SFI1: variants seen among roughly 807,000 people sequenced by gnomAD.
SFI1 encodes SFI1 centrin binding protein, also known as protein SFI1 homolog.
A neutral mutation model predicts 207.5 loss-of-function variants in SFI1; 195 were observed. That is an observed-to-expected ratio of 0.94 (90% CI 0.84 to 1.06). The LOEUF (loss-of-function observed/expected upper bound fraction) is 1.06, where lower values mean the gene tolerates loss of function less well. Ranked by LOEUF, SFI1 falls within the 50% of genes least tolerant of loss-of-function variation. The pLI is 0.00. For missense variants in SFI1, 1,634 were observed against 1,588.0 expected (o/e 1.03, Z -0.49); for synonymous variants, 630 against 598.9 (o/e 1.05, Z -0.76).
In SFI1 at chr22:31,498,821, T is replaced by C. The variant is rs557202756; in HGVS notation, c.-31+2184T>C. Among the ~76,000 whole-genome samples, 4 of 151,580 alleles carry C rather than the reference T, an allele frequency of 2.6e-5. No homozygotes were observed. In the East Asian group the frequency reaches 7.8e-4, roughly 29 times the overall value. On this transcript the variant is annotated intron_variant, in intron 1 of 32. Transcript: ENST00000400288. ...AATGTGACCAATTGCTGCAACCTCA[T>C]GATAAAACTTGGATGGATGAGGAGT...
Position 31,515,181 on chromosome 22 carries a change from A to T in SFI1, c.92+6805A>T. On this transcript the variant is annotated intron_variant, in intron 2 of 32. Coordinates refer to ENST00000400288, the MANE Select transcript of SFI1 (RefSeq NM_001007467.3). ...CCACCTCAGAATAGATTGTGGACCA[A>T]AGATTATGGGAATCTTCAATTTTGC... Among the ~76,000 whole-genome samples the T allele has an allele frequency of 2.0e-5, 3 of 152,046 alleles. 1 individual carries two copies. The highest frequency in any genetic ancestry group is 4.4e-5 in the Non-Finnish European group (3 of 68,036).
At position 31,617,025 on chromosome 22, in the gene SFI1, T is replaced by G. The variant is rs1603378474; in HGVS notation, c.3459T>G (p.Leu1153=). The change falls in exon 31 of 33, where the codon CTT becomes CTG. Residue 1153 remains leucine (L), a synonymous_variant. Transcript: ENST00000400288. Reference sequence around the variant, plus strand: ...GCAGCCTGGACCTTGAGGCTGAACTTGAGGAGATCCAGCAGCAACTACTGC... The same window carrying G: ...GCAGCCTGGACCTTGAGGCTGAACTGGAGGAGATCCAGCAGCAACTACTGC... ...TAGSLDLEAE[L]EEIQQQLLHY... 1.2e-6 allele frequency: 2 copies of G among 1,613,992 alleles called. No homozygotes were observed. The highest frequency in any genetic ancestry group is 8.5e-7 in the Non-Finnish European group (1 of 1,180,010).
At chr22:31,499,929 A>G (rs1423225877) in intron 1 of SFI1, among the ~76,000 whole-genome samples, 1 of 145,500 alleles carries the variant, frequency 6.9e-6, no homozygotes, top group Non-Finnish European at 1.5e-5. Context: ...CGGAGGTTGC[A>G]GTGAGCATTG....
At chr22:31,506,867 A>G (rs1361784298) in intron 1 of SFI1, among the ~76,000 whole-genome samples, 1 of 152,234 alleles carries the variant, frequency 6.6e-6, no homozygotes, top group Admixed American at 6.5e-5. Flanking sequence ...AGGTGACACA[A>G]ACAAATGGAA....
chr22:31,580,606 G>A (rs916875394), intron 12 of SFI1, among the ~76,000 whole-genome samples: 2 of 138,808 alleles, frequency 1.4e-5, no homozygotes, highest in South Asian at 2.3e-4. Flanking sequence ...ACAGTGGCAC[G>A]ATCTCAGCTC....
rs1166854281 is a variant in SFI1 at position 31,580,325 on chromosome 22, A to T, written c.1209A>T (p.Gln403His). The change falls in exon 12 of 33, where the codon CAA becomes CAT. Residue 403 changes from glutamine (Q) to histidine (H), a missense_variant. By Grantham distance (24) the Gln-to-His change is conservative (BLOSUM62 0). Coordinates refer to ENST00000400288, the MANE Select transcript of SFI1 (RefSeq NM_001007467.3). ...ATGTGACCCACGCTCATCTCCAGCA[A>T]ATAAGAAGGAATCTTGCTCACCAGC... ...KDNVTHAHLQ[Q>H]IRRNLAHQQH... 2 of 1,614,024 alleles carry T rather than the reference A, an allele frequency of 1.2e-6. No homozygotes were observed. The highest frequency in any genetic ancestry group is 1.7e-5 in the Admixed American group (1 of 60,000).
intron 2 of SFI1, among the ~76,000 whole-genome samples, chr22:31,512,530 T>G (rs2055754885): frequency 6.6e-6 from 1 of 152,020 alleles, no homozygotes; most frequent in African/African-American, 2.4e-5. Flanking sequence ...ACTATTTTTT[T>G]TTTTGAGACG....
intron 16 of SFI1, 55 bp from the exon 17 acceptor site, chr22:31,602,552 C>T: frequency 9.5e-6 from 15 of 1,587,192 alleles, no homozygotes; most frequent in Non-Finnish European, 1.1e-5. Context: ...TTCCTGGCTT[C>T]TGTGCCTCTC....
chr22:31,531,644 A>G (rs1237269225), intron 4 of SFI1, among the ~76,000 whole-genome samples: 1 of 152,200 alleles, frequency 6.6e-6, no homozygotes, highest in African/African-American at 2.4e-5. Flanking sequence ...CTGTAATCCC[A>G]GCACTTTGGG....
intron 4 of SFI1, among the ~76,000 whole-genome samples, chr22:31,535,964 C>T (rs970005702): frequency 3.3e-5 from 5 of 152,070 alleles, no homozygotes; most frequent in African/African-American, 7.2e-5. Flanking sequence ...TCATAGAACT[C>T]CTTCTTCTGT....
chr22:31,514,164 TG>T (rs2056112695), intron 2 of SFI1, among the ~76,000 whole-genome samples: 1 of 91,766 alleles, frequency 1.1e-5, no homozygotes. Context: ...AAAAAAAAAA[TG>T]TAGTACTGAA....
chr22:31,584,963 A>G, intron 13 of SFI1, 105 bp from the exon 14 acceptor site: 1 of 799,086 alleles, frequency 1.3e-6, no homozygotes, highest in Non-Finnish European at 2.0e-6. Context: ...TAGTAAGCCC[A>G]TGGGGTGCCT....
chr22:31,594,605 C>T (rs991705692), intron 15 of SFI1, among the ~76,000 whole-genome samples: 5 of 150,760 alleles, frequency 3.3e-5, no homozygotes, highest in Non-Finnish European at 7.4e-5. Flanking sequence ...TCTGTAATCC[C>T]AGCACTTTGG....
Position 31,604,887 on chromosome 22 carries a change from C to T in SFI1, c.1996C>T (p.Arg666Ter), listed in dbSNP as rs200244332. Reference protein sequence around the residue: ...QAWVTYQGRVRSILREVAARE... With the variant: ...QAWVTYQGRV ...CCTACAGACTTACCAGGGCAGGGTG[C>T]GAAGCATCCTCCGGGAGGTGGCAGC... Residue 666 changes from arginine to a stop codon, truncating the protein, a stop_gained, in exon 20 of 33, where the codon CGA (arginine) becomes TGA (stop). Transcript: ENST00000400288. LOFTEE classifies it high-confidence loss of function. 1.0e-4 allele frequency: 168 copies of T among 1,611,722 alleles called. No individual in the cohort carries two copies. The highest frequency in any genetic ancestry group is 1.2e-4 in the Non-Finnish European group (147 of 1,178,852).
intron 11 of SFI1, among the ~76,000 whole-genome samples, chr22:31,579,338 CAG>C (rs1429791290): frequency 6.7e-6 from 1 of 149,388 alleles, no homozygotes; most frequent in Non-Finnish European, 1.5e-5. Flanking sequence ...TTTTTTGAGA[CAG>C]AGTCTCGCTC....
At chr22:31,513,283 C>A (rs1429666320) in intron 2 of SFI1, among the ~76,000 whole-genome samples, 1 of 151,790 alleles carries the variant, frequency 6.6e-6, no homozygotes, top group Non-Finnish European at 1.5e-5. Flanking sequence ...CTCAGACCCC[C>A]AAGTAGCTGG....
At chr22:31,614,203 G>A (rs1281145778) in intron 27 of SFI1, 12 of 352,084 alleles carry the variant, frequency 3.4e-5, no homozygotes, top group East Asian at 2.7e-4. Context: ...GCTCCTACCC[G>A]TGCCTGCCGG....
At chr22:31,570,150 A>C (rs1052056761) in intron 8 of SFI1, among the ~76,000 whole-genome samples, 27 of 150,186 alleles carry the variant, frequency 1.8e-4, no homozygotes, top group Admixed American at 9.3e-4. Flanking sequence ...ATAAATAAAT[A>C]AATCAGAGAT....
At chr22:31,499,323 T>C (rs2146296744) in intron 1 of SFI1, among the ~76,000 whole-genome samples, 1 of 152,138 alleles carries the variant, frequency 6.6e-6, no homozygotes, top group East Asian at 1.9e-4. Flanking sequence ...GCCTCCCGAG[T>C]AGCTGGGATT....
Sources: gnomAD v4.1 joint callset for allele counts (sites outside exome capture counted in the v4.1 genomes callset) on GRCh38, gnomAD v4.1.1 for gene constraint, MANE v1.5 for transcripts, NCBI Gene and HGNC (gene_info 2026-07-23, HGNC 2026-07-21) for gene names.